Variants in LCLAT1 observed in about 807,000 individuals in gnomAD.
LCLAT1 encodes lysocardiolipin acyltransferase 1, also known as 1-AGP acyltransferase 8.
LCLAT1 carries 11 observed loss-of-function variants against 30.7 expected under a neutral mutation model. The ratio of observed to expected loss-of-function variants is 0.36; its 90% CI spans 0.23 to 0.59. The LOEUF is 0.59. Ranked by LOEUF, LCLAT1 falls within the 20% of genes least tolerant of loss-of-function variation. The pLI, the probability that LCLAT1 is intolerant of heterozygous loss-of-function variation, is 0.77. For missense variants in LCLAT1, 402 were observed against 458.6 expected (o/e 0.88, Z 1.13); for synonymous variants, 155 against 151.3 (o/e 1.02, Z -0.18).
At chr2:30,596,153 A>G (rs1278129545) in intron 5 of LCLAT1, among the ~76,000 whole-genome samples, 2 of 152,152 alleles carry the variant, frequency 1.3e-5, no homozygotes, top group East Asian at 3.8e-4. Context: ...TTGGGTATAT[A>G]CCGAGTAGTG....
intron 1 of LCLAT1, among the ~76,000 whole-genome samples, chr2:30,475,420 T>A (rs191753968): frequency 5.3e-5 from 8 of 152,298 alleles, no homozygotes; most frequent in African/African-American, 1.7e-4. Flanking sequence ...ATGCTTTTTT[T>A]AAATAAACAT....
chr2:30,589,498 A>G (rs1666596538), intron 5 of LCLAT1, among the ~76,000 whole-genome samples: 1 of 151,928 alleles, frequency 6.6e-6, no homozygotes. Flanking sequence ...AGGACAGTGT[A>G]TTGCTGTCAT....
chr2:30,541,095 C>G (rs980078948), intron 3 of LCLAT1, among the ~76,000 whole-genome samples: 3 of 152,132 alleles, frequency 2.0e-5, no homozygotes, highest in Middle Eastern at 3.2e-3. Context: ...AATATTTTCT[C>G]TGTCTCTTGT....
chr2:30,559,498 G>A (rs1665092766), intron 3 of LCLAT1, among the ~76,000 whole-genome samples: 1 of 152,064 alleles, frequency 6.6e-6, no homozygotes, highest in Non-Finnish European at 1.5e-5. Context: ...GTGTACTTTT[G>A]ATTTAATCAT....
In LCLAT1 at chr2:30,521,489, C is replaced by T. The variant is rs1224301598; in HGVS notation, c.-4-4098C>T. On this transcript the variant is annotated intron_variant, in intron 1 of 5. Transcript: ENST00000379509. Reference sequence around the variant, plus strand: ...GTTTCCTCAACCCCCTAAACTACTTCTTCTTTTTTTTTTTTTTTTTTTTTT... The same window carrying T: ...GTTTCCTCAACCCCCTAAACTACTTTTTCTTTTTTTTTTTTTTTTTTTTTT... 1.4e-3 allele frequency among the ~76,000 whole-genome samples: 79 copies of T among 55,548 alleles called. 1 individual carries two copies. Among genetic ancestry groups the T allele is most frequent in the African/African-American group, 6.0e-3 (74 of 12,250 alleles). 36.4% of individuals were successfully genotyped at this position (55,548 alleles called of 152,430 possible).
At chr2:30,533,432 A>G (rs1211385612) in intron 3 of LCLAT1, 118 bp downstream of exon 3, 11 of 798,998 alleles carry the variant, frequency 1.4e-5, no homozygotes, top group Admixed American at 1.3e-4. Context: ...GCCAAAAACA[A>G]TCTCTGGTTC....
Position 30,641,550 on chromosome 2 carries a change from T to C in LCLAT1, c.*931T>C, listed in dbSNP as rs1024504770. Reference sequence around the variant, plus strand: ...GGAAGGTTGTTTTTTCTACATGTGCTTGGGTATCTAACATCTACCATTAAA... The same window carrying C: ...GGAAGGTTGTTTTTTCTACATGTGCCTGGGTATCTAACATCTACCATTAAA... On this transcript the variant is annotated 3_prime_UTR_variant, in exon 6 of 6. Transcript: ENST00000379509. 6 of 152,252 alleles carry C rather than the reference T, an allele frequency of 3.9e-5. No individual in the cohort carries two copies. Among genetic ancestry groups the C allele is most frequent in the African/African-American group, 1.2e-4 (5 of 41,468 alleles). The allele number at this position is 152,252 out of a possible 1,614,324, so 9.4% of individuals were successfully genotyped here.
At chr2:30,590,250 TAAA>T (rs1666630949) in intron 5 of LCLAT1, among the ~76,000 whole-genome samples, 1 of 151,982 alleles carries the variant, frequency 6.6e-6, no homozygotes, top group African/African-American at 2.4e-5. Context: ...AAATATCACT[TAAA>T]AATAATTTTT....
intron 3 of LCLAT1, among the ~76,000 whole-genome samples, chr2:30,538,414 G>T (rs752602747): frequency 6.6e-6 from 1 of 152,054 alleles, no homozygotes; most frequent in Non-Finnish European, 1.5e-5. Flanking sequence ...AGGCCAAGGC[G>T]GGTGGATCAC....
chr2:30,536,761 C>G (rs1361864062), intron 3 of LCLAT1, among the ~76,000 whole-genome samples: 4 of 151,962 alleles, frequency 2.6e-5, no homozygotes, highest in East Asian at 1.9e-4. Context: ...AGAAAAGTCA[C>G]CAAATTGCAT....
At chr2:30,584,946 CAAAAA>C (rs33956361) in intron 5 of LCLAT1, among the ~76,000 whole-genome samples, 2 of 107,278 alleles carry the variant, frequency 1.9e-5, no homozygotes, top group Non-Finnish European at 1.9e-5. Context: ...TACTATATTT[CAAAAA>C]AAAAAAAAAA....
chr2:30,468,492 G>T (rs953719221), intron 1 of LCLAT1, among the ~76,000 whole-genome samples: 2 of 150,584 alleles, frequency 1.3e-5, no homozygotes, highest in African/African-American at 4.9e-5. Flanking sequence ...TGGATAGTTG[G>T]GAAAAAAAAT....
Position 30,533,286 on chromosome 2 carries a change from A to G in LCLAT1, c.336A>G (p.Lys112=), listed in dbSNP as rs761087680. 4 of 1,614,120 alleles carry G rather than the reference A, an allele frequency of 2.5e-6. No individual in the cohort carries two copies. In the Admixed American group the frequency reaches 6.7e-5, roughly 27 times the overall value. ...TCAGATTGGAGAAAATTTGCCTCAAAGCGAGTCTCAAAGGTGTTCCTGGAT... is the reference window on the plus strand; with the variant it reads ...TCAGATTGGAGAAAATTTGCCTCAAGGCGAGTCTCAAAGGTGTTCCTGGAT... The part of the protein sequence containing the change: ...SYLRLEKICL[K]ASLKGVPGFG... The change falls in exon 3 of 6, where the codon AAA becomes AAG. Residue 112 remains lysine, a synonymous_variant. Coordinates refer to ENST00000379509, the MANE Select transcript of LCLAT1 (RefSeq NM_001002257.3).
chr2:30,526,645 A>G (rs1685734548), intron 2 of LCLAT1, among the ~76,000 whole-genome samples: 1 of 152,150 alleles, frequency 6.6e-6, no homozygotes. Flanking sequence ...ATTGGATTGC[A>G]AGAGTAGTTG....
chr2:30,559,313 C>T (rs1193222718), intron 3 of LCLAT1, among the ~76,000 whole-genome samples: 1 of 152,164 alleles, frequency 6.6e-6, no homozygotes, highest in Non-Finnish European at 1.5e-5. Context: ...CCTATATATA[C>T]TTACTGTCCG....
At chr2:30,577,942 A>G (rs1354197983) in intron 5 of LCLAT1, among the ~76,000 whole-genome samples, 1 of 152,110 alleles carries the variant, frequency 6.6e-6, no homozygotes, top group Non-Finnish European at 1.5e-5. Context: ...ATTATTTACT[A>G]TATATAACAT....
intron 1 of LCLAT1, among the ~76,000 whole-genome samples, chr2:30,456,408 G>A (rs960935167): frequency 6.9e-5 from 9 of 130,732 alleles, no homozygotes; most frequent in Admixed American, 1.7e-4. Context: ...GGCAGGGGAA[G>A]GGGGTCTTAT....
At chr2:30,588,036 C>T (rs1169611436) in intron 5 of LCLAT1, among the ~76,000 whole-genome samples, 1 of 152,244 alleles carries the variant, frequency 6.6e-6, no homozygotes, top group Non-Finnish European at 1.5e-5. Flanking sequence ...CCAAGTATTT[C>T]TGTCTCCTGA....
intron 5 of LCLAT1, among the ~76,000 whole-genome samples, chr2:30,575,778 T>C (rs988402815): frequency 6.6e-6 from 1 of 152,196 alleles, no homozygotes; most frequent in African/African-American, 2.4e-5. Flanking sequence ...AATTAAATGT[T>C]TCCTTTATTT....
Sources: allele counts gnomAD v4.1 joint callset (sites outside exome capture counted in the v4.1 genomes callset), GRCh38; gene constraint gnomAD v4.1.1; transcripts MANE v1.5; gene names NCBI Gene and HGNC (gene_info 2026-07-23, HGNC 2026-07-21).